FSTL4: variants seen among roughly 807,000 people sequenced by gnomAD.
FSTL4 encodes follistatin-related protein 4.
FSTL4 carries 28 observed loss-of-function variants against 78.2 expected under a neutral mutation model. That is an observed-to-expected ratio of 0.36 (90% CI 0.27 to 0.49). The LOEUF is 0.49. FSTL4 is among the 20% of genes least tolerant of loss of function. The pLI is 0.98. For missense variants in FSTL4, 922 were observed against 1,084.9 expected, an observed-to-expected ratio of 0.85 and a Z score of 2.11; for synonymous variants, 422 against 440.5, an observed-to-expected ratio of 0.96 and a Z score of 0.53.
chr5:133,242,313 A>T (rs950027424), intron 7 of FSTL4, among the ~76,000 whole-genome samples: 19 of 152,150 alleles, frequency 1.2e-4, no homozygotes, highest in African/African-American at 4.3e-4. Context: ...GGTAGGCTCC[A>T]ATCTGTAGTG....
chr5:133,546,947 T>G (rs1759587419), intron 3 of FSTL4, among the ~76,000 whole-genome samples: 1 of 152,170 alleles, frequency 6.6e-6, no homozygotes, highest in Non-Finnish European at 1.5e-5. Flanking sequence ...TCCCCCCAGA[T>G]TTCAAAGGAT....
Position 133,352,287 on chromosome 5 carries a change from T to C in FSTL4, c.410-35635A>G, listed in dbSNP as rs200496170. ...ATACACACATATATATATACACACA[T>C]ATATATACACACACATATATATATA... On this transcript the variant is annotated intron_variant, in intron 4 of 15. Coordinates refer to ENST00000265342, the MANE Select transcript of FSTL4 (RefSeq NM_015082.2). Among the ~76,000 whole-genome samples, 615 of 77,812 alleles carry C rather than the reference T, an allele frequency of 7.9e-3. 9 individuals are homozygous for C. Among genetic ancestry groups the C allele is most frequent in the African/African-American group, 0.027 (465 of 17,544 alleles). 51.0% of individuals were successfully genotyped at this position (77,812 alleles called of 152,430 possible).
At chr5:133,783,948 T>G in the FSTL4 span, among the ~76,000 whole-genome samples, 1 of 128,786 alleles carries the variant, frequency 7.8e-6, no homozygotes, top group South Asian at 2.7e-4. Context: ...TCCTACCACA[T>G]AGGCCTCCTT....
chr5:133,346,173 A>ATAAG (rs1754694681), intron 4 of FSTL4, among the ~76,000 whole-genome samples: 1 of 152,180 alleles, frequency 6.6e-6, no homozygotes, highest in South Asian at 2.1e-4. Flanking sequence ...GTTCTTACTC[A>ATAAG]TAAGTGGGAG....
chr5:133,227,947 C>T (rs1751383172), intron 8 of FSTL4, among the ~76,000 whole-genome samples: 1 of 152,188 alleles, frequency 6.6e-6, no homozygotes, highest in Non-Finnish European at 1.5e-5. Flanking sequence ...AAACTTTAGG[C>T]CAGGTGCGGT....
the FSTL4 span, among the ~76,000 whole-genome samples, chr5:133,673,444 C>T: frequency 2.0e-5 from 3 of 152,204 alleles, no homozygotes; most frequent in African/African-American, 7.2e-5. Flanking sequence ...GCCGGATATT[C>T]CTTCCCTAAA....
chr5:133,419,880 T>G (rs910988416), intron 3 of FSTL4, among the ~76,000 whole-genome samples: 17 of 152,248 alleles, frequency 1.1e-4, no homozygotes, highest in Admixed American at 7.2e-4. Flanking sequence ...AACATCTTTT[T>G]ATGTGCTTAT....
intron 3 of FSTL4, among the ~76,000 whole-genome samples, chr5:133,553,122 G>A (rs1303573179): frequency 1.3e-5 from 2 of 152,138 alleles, no homozygotes; most frequent in Non-Finnish European, 2.9e-5. Context: ...AGGGGGCGCG[G>A]GAGAGAGGGT....
At chr5:133,637,142 T>A in the FSTL4 span, among the ~76,000 whole-genome samples, 2 of 152,134 alleles carry the variant, frequency 1.3e-5, no homozygotes, top group South Asian at 4.2e-4. Flanking sequence ...CTTGAAAGAT[T>A]ACCCTATTTA....
At chr5:133,694,920 C>A in the FSTL4 span, among the ~76,000 whole-genome samples, 1 of 152,146 alleles carries the variant, frequency 6.6e-6, no homozygotes, top group African/African-American at 2.4e-5. Context: ...CTCTGCCTCC[C>A]GAAGTCCCCA....
chr5:133,343,619 T>C (rs1754635711), intron 4 of FSTL4, among the ~76,000 whole-genome samples: 2 of 152,210 alleles, frequency 1.3e-5, no homozygotes, highest in Non-Finnish European at 2.9e-5. Flanking sequence ...AAAAAAAGTT[T>C]TTTATAGCCG....
intron 4 of FSTL4, among the ~76,000 whole-genome samples, chr5:133,376,930 A>T (rs1242102829): frequency 6.6e-6 from 1 of 152,038 alleles, no homozygotes; most frequent in Non-Finnish European, 1.5e-5. Context: ...TTCAGTAAAA[A>T]CAGCAAGAGT....
At position 133,407,537 on chromosome 5, in the gene FSTL4, CA is replaced by C. The variant is rs113488880; in HGVS notation, c.161-6552del. Among the ~76,000 whole-genome samples the C allele has an allele frequency of 1.8e-3, 273 of 152,326 alleles. 4 individuals are homozygous for C. Among genetic ancestry groups the C allele is most frequent in the South Asian group, 2.1e-3 (10 of 4,820 alleles). On this transcript the variant is annotated intron_variant, in intron 3 of 15. Coordinates refer to ENST00000265342, the MANE Select transcript of FSTL4 (RefSeq NM_015082.2). The stretch of plus-strand genomic sequence containing the variant: ...GGTTATCCATTGCTGGAAGGTAATG[CA>C]ACCTGCCATGCATAATGTTTACAGA...
chr5:133,201,888 A>T (rs759966891), intron 15 of FSTL4, 45 bp downstream of exon 15: 2 of 1,125,440 alleles, frequency 1.8e-6, no homozygotes, highest in East Asian at 2.4e-5. Flanking sequence ...TGCAGGGCTG[A>T]GCTGGAGCGG....
intron 3 of FSTL4, among the ~76,000 whole-genome samples, chr5:133,536,179 G>T (rs1759347112): frequency 1.3e-5 from 2 of 152,204 alleles, no homozygotes; most frequent in Middle Eastern, 3.4e-3. Flanking sequence ...TGTTTATTGT[G>T]GGAAAATATT....
At chr5:133,395,507 G>A (rs1167392119) in intron 4 of FSTL4, among the ~76,000 whole-genome samples, 4 of 152,188 alleles carry the variant, frequency 2.6e-5, no homozygotes, top group Non-Finnish European at 4.4e-5. Context: ...GCGGGTCCGC[G>A]GCTTCATTCT....
At chr5:133,595,616 C>T (rs970637571) in intron 2 of FSTL4, among the ~76,000 whole-genome samples, 1 of 152,180 alleles carries the variant, frequency 6.6e-6, no homozygotes. Flanking sequence ...CTGAAGTTGA[C>T]ACATCAGACT....
the FSTL4 span, among the ~76,000 whole-genome samples, chr5:133,629,365 C>T: frequency 0.075 from 11,358 of 152,210 alleles, 441 homozygotes; most frequent in South Asian, 0.17. Flanking sequence ...ATACTATAAA[C>T]ACCTCTATGT....
At chr5:133,808,824 G>A in the FSTL4 span, among the ~76,000 whole-genome samples, 1 of 151,920 alleles carries the variant, frequency 6.6e-6, no homozygotes, top group East Asian at 1.9e-4. Flanking sequence ...CACCACAAAG[G>A]GCAAATGTAC....
Sources: gnomAD v4.1 joint callset for allele counts (sites outside exome capture counted in the v4.1 genomes callset) on GRCh38, gnomAD v4.1.1 for gene constraint, MANE v1.5 for transcripts, NCBI Gene and HGNC (gene_info 2026-07-23, HGNC 2026-07-21) for gene names.